Variants in A1CF observed in about 807,000 individuals in gnomAD.
A1CF encodes APOBEC1 complementation factor, also known as APOBEC-1 stimulating protein.
Under a neutral mutation model 68.9 loss-of-function variants are expected in A1CF, and 48 were observed. That is an observed-to-expected ratio of 0.70 (90% confidence interval 0.55 to 0.89). The LOEUF (loss-of-function observed/expected upper bound fraction) is 0.89, where lower values mean the gene tolerates loss of function less well. A1CF is among the 40% of genes least tolerant of loss of function. A1CF has a pLI of 0.00. For synonymous variants in A1CF, 272 were observed against 260.4 expected, an observed-to-expected ratio of 1.04 and a Z score of -0.43; for missense variants, 653 against 718.9, an observed-to-expected ratio of 0.91 and a Z score of 1.05.
At chr10:50,871,935 A>T (rs978696885) in intron 1 of A1CF, among the ~76,000 whole-genome samples, 3 of 152,058 alleles carry the variant, frequency 2.0e-5, no homozygotes, top group Non-Finnish European at 2.9e-5. Context: ...AATATTACAA[A>T]CTTCTGTAAT....
rs951307228 is a variant in A1CF at position 50,803,593 on chromosome 10, A to C, written c.*3136T>G. The C allele has an allele frequency of 2.6e-4, 40 of 152,324 alleles. No homozygotes were observed. The highest frequency in any genetic ancestry group is 9.6e-4 in the African/African-American group (40 of 41,572). The allele number at this position is 152,324 out of a possible 1,614,324, so 9.4% of individuals were successfully genotyped here. A position where few individuals can be genotyped will look rare whatever the true frequency, so the allele number is the denominator to read the frequency against. ...TAATGCAGTGGGAGAGAAATAAAGC[A>C]ATTTGAGAAGAGGCAGCACTTTTAT... On this transcript the variant is annotated 3_prime_UTR_variant, in exon 13 of 13. Transcript: ENST00000373997.
chr10:50,850,540 C>A, intron 3 of A1CF: 1 of 1,298,638 alleles, frequency 7.7e-7, no homozygotes, highest in East Asian at 2.3e-5. Context: ...TTCAAAATTA[C>A]AAAACAGAAA....
chr10:50,862,639 G>A (rs1840798730), intron 2 of A1CF, among the ~76,000 whole-genome samples: 1 of 152,152 alleles, frequency 6.6e-6, no homozygotes, highest in Non-Finnish European at 1.5e-5. Context: ...ATTTTAGGGG[G>A]AATCTGCTAA....
chr10:50,869,531 G>C (rs1432451324), intron 1 of A1CF, among the ~76,000 whole-genome samples: 1 of 152,062 alleles, frequency 6.6e-6, no homozygotes, highest in Non-Finnish European at 1.5e-5. Context: ...TAGAAAAGTT[G>C]TTAAGGTCCT....
chr10:50,852,227 T>G (rs1185756888), intron 3 of A1CF, among the ~76,000 whole-genome samples: 4 of 152,198 alleles, frequency 2.6e-5, no homozygotes, highest in African/African-American at 4.8e-5. Context: ...TATCAAACAC[T>G]TCATATATAG....
At chr10:50,874,352 T>C (rs1221661157) in intron 1 of A1CF, among the ~76,000 whole-genome samples, 2 of 152,246 alleles carry the variant, frequency 1.3e-5, no homozygotes, top group Non-Finnish European at 2.9e-5. Flanking sequence ...CTTTTTAGCA[T>C]ATTCTCATAA....
chr10:50,829,305 G>T (rs1839127332), intron 6 of A1CF, among the ~76,000 whole-genome samples: 1 of 152,016 alleles, frequency 6.6e-6, no homozygotes, highest in Non-Finnish European at 1.5e-5. Context: ...TGAGAGGAGA[G>T]TGAGAGTCAA....
chr10:50,831,915 T>C (rs1564508667), intron 6 of A1CF, among the ~76,000 whole-genome samples: 2 of 152,196 alleles, frequency 1.3e-5, no homozygotes, highest in Non-Finnish European at 2.9e-5. Context: ...AGATCAAAGA[T>C]GATGTTGGCA....
chr10:50,841,626 G>A (rs1177557467), intron 5 of A1CF, among the ~76,000 whole-genome samples: 3 of 152,074 alleles, frequency 2.0e-5, no homozygotes, highest in African/African-American at 4.8e-5. Flanking sequence ...TTATGAAACA[G>A]GCAAATTATT....
chr10:50,870,637 G>A (rs1188764515), intron 1 of A1CF, among the ~76,000 whole-genome samples: 1 of 151,818 alleles, frequency 6.6e-6, no homozygotes, highest in Non-Finnish European at 1.5e-5. Flanking sequence ...AACATTCAAT[G>A]TTTTCCTCCC....
chr10:50,821,174 T>C (rs1345285630), intron 7 of A1CF, among the ~76,000 whole-genome samples: 1 of 152,138 alleles, frequency 6.6e-6, no homozygotes, highest in African/African-American at 2.4e-5. Flanking sequence ...GAACTACAAC[T>C]GGATTCTCTA....
intron 12 of A1CF, 77 bp downstream of exon 12, chr10:50,809,817 T>C: frequency 6.3e-7 from 1 of 1,579,422 alleles, no homozygotes; most frequent in Non-Finnish European, 8.6e-7. Context: ...CAAACATTTC[T>C]GTGATTCAAT....
At chr10:50,812,796 C>T (rs367996386) in intron 10 of A1CF, among the ~76,000 whole-genome samples, 8 of 152,164 alleles carry the variant, frequency 5.3e-5, no homozygotes, top group East Asian at 1.9e-4. Context: ...CAGCACCTAG[C>T]GCACTACATG....
rs567920698 is a variant in A1CF at position 50,841,478 on chromosome 10, C to T, written c.365+384G>A. ...TCTTAAATACACCAAATTAGAGTAG[C>T]CACCTTCTCACACAACTTTATCCCA... On this transcript the variant is annotated intron_variant, in intron 5 of 12. Coordinates refer to ENST00000373997, the MANE Select transcript of A1CF (RefSeq NM_014576.4). Among the ~76,000 whole-genome samples, 5 of 152,250 alleles carry T rather than the reference C, an allele frequency of 3.3e-5. No homozygotes were observed. In the East Asian group the frequency reaches 9.6e-4, roughly 29 times the overall value.
intron 3 of A1CF, among the ~76,000 whole-genome samples, chr10:50,845,311 T>C (rs960825310): frequency 1.3e-5 from 2 of 152,202 alleles, no homozygotes; most frequent in African/African-American, 2.4e-5. Flanking sequence ...GGTAATTTAG[T>C]GGTTTATATC....
Position 50,854,992 on chromosome 10 carries a change from G to A in A1CF, c.99+4850C>T, listed in dbSNP as rs372877268. Among the ~76,000 whole-genome samples, 53 of 151,786 alleles carry A rather than the reference G, an allele frequency of 3.5e-4. 2 individuals carry two copies. The South Asian group carries it at 1.0e-2, about 29-fold the overall frequency. On this transcript the variant is annotated intron_variant, in intron 3 of 12. Coordinates refer to ENST00000373997, the MANE Select transcript of A1CF (RefSeq NM_014576.4). ...AATGAGTCTATTTTTAAAAAATTAAGACTACCTGAGGGTGATTTTTATTAA... is the reference window on the plus strand; with the variant it reads ...AATGAGTCTATTTTTAAAAAATTAAAACTACCTGAGGGTGATTTTTATTAA...
chr10:50,843,906 G>T, intron 4 of A1CF, 82 bp downstream of exon 4: 1 of 1,539,704 alleles, frequency 6.5e-7, no homozygotes, highest in South Asian at 1.2e-5. Flanking sequence ...TGACCAAGAA[G>T]GCTGAGAATG....
intron 1 of A1CF, among the ~76,000 whole-genome samples, chr10:50,885,352 G>T (rs1038636566): frequency 1.3e-5 from 2 of 152,140 alleles, no homozygotes; most frequent in African/African-American, 4.8e-5. Flanking sequence ...TAAGTCTACA[G>T]AAATTTATTA....
chr10:50,806,255 A>C lies in A1CF; in HGVS notation c.*474T>G, dbSNP rs1837813437. On this transcript the variant is annotated 3_prime_UTR_variant, in exon 13 of 13. Transcript: ENST00000373997. ...CCACACAGTGAGCCATGGTGAATGC[A>C]TTTTGAAAAGCAACCTCCTCCCTTC... 6.6e-6 allele frequency: 1 copy of C among 152,404 alleles called. No homozygotes were observed. The highest frequency in any genetic ancestry group is 2.4e-5 in the African/African-American group (1 of 41,454). The allele number at this position is 152,404 out of a possible 1,614,324, so 9.4% of individuals were successfully genotyped here.
Sources: gnomAD v4.1 joint callset for allele counts (sites outside exome capture counted in the v4.1 genomes callset) on GRCh38, gnomAD v4.1.1 for gene constraint, MANE v1.5 for transcripts, NCBI Gene and HGNC (gene_info 2026-07-23, HGNC 2026-07-21) for gene names.